PHF2: variants seen among roughly 807,000 people sequenced by gnomAD.
PHF2 encodes the protein PHD finger protein 2.
In PHF2, 27 loss-of-function variants were observed where a neutral mutation model predicts 120.5. The ratio of observed to expected loss-of-function variants is 0.22; its 90% CI spans 0.17 to 0.31. The LOEUF (loss-of-function observed/expected upper bound fraction) is 0.31, where lower values mean the gene tolerates loss of function less well. Ranked by LOEUF, PHF2 falls within the 10% of genes least tolerant of loss-of-function variation. PHF2 has a pLI of 1.00. For missense variants in PHF2, 1,024 were observed against 1,434.8 expected (o/e 0.71, Z 4.63); for synonymous variants, 568 against 592.5 (o/e 0.96, Z 0.60).
chr9:93,618,772 A>C (rs1825768692), intron 1 of PHF2, among the ~76,000 whole-genome samples: 1 of 130,522 alleles, frequency 7.7e-6, no homozygotes, highest in Non-Finnish European at 1.7e-5. Context: ...GTGTGTCTGC[A>C]TGTGTTTGTG....
At chr9:93,658,316 G>A (rs1826496498) in intron 10 of PHF2, 80 bp downstream of exon 10, 9 of 1,048,516 alleles carry the variant, frequency 8.6e-6, no homozygotes, top group Non-Finnish European at 1.3e-5. Flanking sequence ...CAGCAGCAAT[G>A]TCCAGGACTT....
intron 12 of PHF2, among the ~76,000 whole-genome samples, chr9:93,661,228 A>G (rs12238477): frequency 0.02 from 3,035 of 152,250 alleles, 66 homozygotes; most frequent in East Asian, 0.1. Flanking sequence ...GAACCCCTGA[A>G]GCACCATTGA....
chr9:93,653,485 C>G, intron 6 of PHF2, 120 bp downstream of exon 6: 4 of 987,304 alleles, frequency 4.1e-6, no homozygotes, highest in Non-Finnish European at 6.0e-6. Context: ...GGCCCCTGGA[C>G]TGTCCATCCC....
rs185314280 is a variant in PHF2 at position 93,678,845 on chromosome 9, T to C, written c.*1169T>C. The C allele has an allele frequency of 2.9e-3, 461 of 158,184 alleles. No homozygotes were observed. The highest frequency in any genetic ancestry group is 4.8e-3 in the Non-Finnish European group (344 of 71,684). The allele number at this position is 158,184 out of a possible 1,614,324, so 9.8% of individuals were successfully genotyped here. On this transcript the variant is annotated 3_prime_UTR_variant, in exon 22 of 22. Transcript: ENST00000359246. The stretch of plus-strand genomic sequence containing the variant: ...AGTCAGATGGACAGTTGGGTTCTGA[T>C]GCTTTTTCCTTCTCCTTTCCTTTTA...
intron 5 of PHF2, among the ~76,000 whole-genome samples, chr9:93,649,729 A>G (rs1394523555): frequency 6.6e-6 from 1 of 151,958 alleles, no homozygotes. Flanking sequence ...TGCATGAGAC[A>G]TTCATGACAC....
chr9:93,663,923 C>A (rs181755183), intron 14 of PHF2, among the ~76,000 whole-genome samples: 1 of 152,228 alleles, frequency 6.6e-6, no homozygotes, highest in African/African-American at 2.4e-5. Context: ...ACGTCTTCAT[C>A]AGGCCTAGAC....
At chr9:93,645,022 C>G (rs1034729126) in intron 3 of PHF2, among the ~76,000 whole-genome samples, 4 of 152,112 alleles carry the variant, frequency 2.6e-5, no homozygotes, top group African/African-American at 9.7e-5. Flanking sequence ...TCCTCCTGGC[C>G]CTGCCCCTCT....
rs1288511012 is a variant in PHF2, at chr9:93,676,822, C to T, written c.3061C>T (p.Leu1021=). 5 of 1,556,728 alleles carry T rather than the reference C, an allele frequency of 3.2e-6. No individual in the cohort carries two copies. The highest frequency in any genetic ancestry group is 1.2e-5 in the South Asian group (1 of 84,498). The stretch of plus-strand genomic sequence containing the variant: ...CCCGCCTGAGTCGCATAGCAGCAGC[C>T]TGGCGGACCATGAGTACACAGCCGC... ...EPPPESHSSS[L]ADHEYTAAGT... Residue 1021 remains leucine, a synonymous_variant, in exon 21 of 22, where the codon CTG becomes TTG. Coordinates refer to ENST00000359246, the MANE Select transcript of PHF2 (RefSeq NM_005392.4).
In PHF2 at chr9:93,669,172, C is replaced by T. The variant is rs556397166; in HGVS notation, c.2348+1932C>T. On this transcript the variant is annotated intron_variant, in intron 17 of 21. Transcript: ENST00000359246. ...GCCCAGACGGCATGGCATGGACCCTCGTAGTGGGTGTCCCTGGCCACCCCC... is the reference window on the plus strand; with the variant it reads ...GCCCAGACGGCATGGCATGGACCCTTGTAGTGGGTGTCCCTGGCCACCCCC... 9.8e-5 allele frequency among the ~76,000 whole-genome samples: 15 copies of T among 152,352 alleles called. No individual in the cohort carries two copies. The East Asian group carries it at 1.5e-3, about 16-fold the overall frequency.
In PHF2 at chr9:93,649,852, G is replaced by A. The variant is rs145575028; in HGVS notation, c.602+640G>A. 7.5e-4 allele frequency among the ~76,000 whole-genome samples: 114 copies of A among 152,126 alleles called. 2 individuals are homozygous for A. In the East Asian group the frequency reaches 0.021, roughly 28 times the overall value. On this transcript the variant is annotated intron_variant, in intron 5 of 21. Transcript: ENST00000359246. ...CTACTCACAGACACCAACGTGTGGT[G>A]CAGTCACACTCATGGACACACTTGT...
chr9:93,580,474 G>A (rs1179957803), intron 1 of PHF2, among the ~76,000 whole-genome samples: 1 of 152,188 alleles, frequency 6.6e-6, no homozygotes, highest in Non-Finnish European at 1.5e-5. Flanking sequence ...ACTGGAGGAT[G>A]GAGACCAGGC....
Position 93,677,655 on chromosome 9 carries a change from G to T in PHF2, c.3270G>T (p.Arg1090=), listed in dbSNP as rs1826943780. Residue 1090 remains arginine, a synonymous_variant, in exon 22 of 22, where the codon CGG becomes CGT. Transcript: ENST00000359246. The surrounding 1 kb of genome is among the most constrained non-coding windows in gnomAD (Gnocchi z 4.4). The part of the protein sequence containing the change: ...QRLGKILKIH[R]NGKLLL ...TTGGGAAAATTTTGAAAATTCATCGGAACGGGAAACTACTCCTTTAAGATT... is the reference window on the plus strand; with the variant it reads ...TTGGGAAAATTTTGAAAATTCATCGTAACGGGAAACTACTCCTTTAAGATT... The T allele has an allele frequency of 6.2e-7, 1 of 1,613,644 alleles. No homozygotes were observed. Among genetic ancestry groups the T allele is most frequent in the Non-Finnish European group, 8.5e-7 (1 of 1,179,728 alleles).
chr9:93,594,451 G>A lies in PHF2; in HGVS notation c.98+17580G>A, dbSNP rs188110245. Among the ~76,000 whole-genome samples, 114 of 152,296 alleles carry A rather than the reference G, an allele frequency of 7.5e-4. 2 individuals carry two copies. Among genetic ancestry groups the A allele is most frequent in the African/African-American group, 2.7e-3 (112 of 41,554 alleles). Reference sequence around the variant, plus strand: ...TTGGGTCAGGGATGGGCCTCCCATGGCACCAGGAGCAGCCACCACTTCCCA... The same window carrying A: ...TTGGGTCAGGGATGGGCCTCCCATGACACCAGGAGCAGCCACCACTTCCCA... On this transcript the variant is annotated intron_variant, in intron 1 of 21. Transcript: ENST00000359246.
chr9:93,656,035 C>T lies in PHF2; in HGVS notation c.1040+14C>T, dbSNP rs763655271. 1.3e-5 allele frequency: 21 copies of T among 1,606,500 alleles called. No homozygotes were observed. The highest frequency in any genetic ancestry group is 1.7e-4 in the Middle Eastern group (1 of 6,054). ...GATGCAGATGAGGTAGTGCCTGCCG[C>T]GCTGTCTGCCCTCGGGCTCCGCAGA... On this transcript the variant is annotated intron_variant, in intron 8 of 21. Transcript: ENST00000359246. This position sits in a 1 kb window ranked among gnomAD's most constrained non-coding sequence, Gnocchi z 4.1.
rs1346882775 is a variant in PHF2, at chr9:93,676,925, C to T, written c.3164C>T (p.Pro1055Leu). Residue 1055 changes from proline (P) to leucine (L), a missense_variant, in exon 21 of 22, where the codon CCC (proline) becomes CTC (leucine). Pro to Leu is a moderately conservative substitution (Grantham distance 98). This residue lies in a region of PHF2 where 677 missense variants were observed against 857.4 expected (regional missense o/e 0.79). Coordinates refer to ENST00000359246, the MANE Select transcript of PHF2 (RefSeq NM_005392.4). Reference sequence around the variant, plus strand: ...GGGGTCTTTCTCACACAGAGGCGGCCCTCCGCATCGTCTCCAAACAACAAC... The same window carrying T: ...GGGGTCTTTCTCACACAGAGGCGGCTCTCCGCATCGTCTCCAAACAACAAC... ...APGVFLTQRR[P>L]SASSPNNNTA... 1.9e-6 allele frequency: 3 copies of T among 1,573,204 alleles called. No individual in the cohort carries two copies. The highest frequency in any genetic ancestry group is 2.3e-5 in the East Asian group (1 of 43,450).
chr9:93,645,404 A>G (rs1017698823), intron 3 of PHF2, among the ~76,000 whole-genome samples: 2 of 152,178 alleles, frequency 1.3e-5, no homozygotes, highest in Non-Finnish European at 2.9e-5. Flanking sequence ...GTGAGACCCC[A>G]TGTCCCTGCT....
At chr9:93,667,276 G>A (rs979159031) in intron 17 of PHF2, 36 bp downstream of exon 17, 43 of 1,591,234 alleles carry the variant, frequency 2.7e-5, no homozygotes, top group Non-Finnish European at 3.5e-5. Flanking sequence ...CAAGAGCGGG[G>A]ACCAGGCAGG....
intron 1 of PHF2, among the ~76,000 whole-genome samples, chr9:93,585,645 T>A (rs1304857698): frequency 2.6e-5 from 4 of 152,142 alleles, no homozygotes; most frequent in Non-Finnish European, 5.9e-5. Flanking sequence ...GGGACCAGGA[T>A]CTGACCTGGG....
At chr9:93,674,290 G>A (rs1369959183) in intron 18 of PHF2, among the ~76,000 whole-genome samples, 1 of 152,068 alleles carries the variant, frequency 6.6e-6, no homozygotes, top group Non-Finnish European at 1.5e-5. Flanking sequence ...GCCTCACCGT[G>A]TTGGGGCAGC....
Sources: gnomAD v4.1 joint callset for allele counts (sites outside exome capture counted in the v4.1 genomes callset) on GRCh38, gnomAD v4.1.1 for gene constraint, gnomAD v4.1.1 regional missense constraint, Gnocchi (gnomAD v3.1) non-coding constraint, MANE v1.5 for transcripts, NCBI Gene and HGNC (gene_info 2026-07-23, HGNC 2026-07-21) for gene names.